Variants in OVOL1 observed in about 807,000 individuals in gnomAD.
The protein encoded by OVOL1 is putative transcription factor Ovo-like 1.
OVOL1 carries 10 observed loss-of-function variants against 21.5 expected under a neutral mutation model. The ratio of observed to expected loss-of-function variants is 0.46; its 90% CI spans 0.29 to 0.79. The LOEUF (loss-of-function observed/expected upper bound fraction) is 0.79, where lower values mean the gene tolerates loss of function less well. OVOL1 is among the 30% of genes least tolerant of loss of function. The probability of loss-of-function intolerance (pLI) is 0.10; values close to 1 mark genes in which losing one functional copy is unlikely to be tolerated. For synonymous variants in OVOL1, 129 were observed against 150.3 expected, an observed-to-expected ratio of 0.86 and a Z score of 1.03; for missense variants, 279 against 362.3, an observed-to-expected ratio of 0.77 and a Z score of 1.87.
Position 65,787,243 on chromosome 11 carries a change from C to G in OVOL1, c.-131C>G, listed in dbSNP as rs2135696822. 1.5e-6 allele frequency: 1 copy of G among 675,702 alleles called. No individual in the cohort carries two copies. The highest frequency in any genetic ancestry group is 3.7e-5 in the East Asian group (1 of 26,756). 41.9% of individuals were successfully genotyped at this position (675,702 alleles called of 1,614,324 possible). A position where few individuals can be genotyped will look rare whatever the true frequency, so the allele number is the denominator to read the frequency against. On this transcript the variant is annotated 5_prime_UTR_variant, in exon 1 of 4. Transcript: ENST00000335987. ...GTCCGGGCTCGGACCTTCCCCGGAA[C>G]GTGGGGGCGCCTTAGCGACTCCTTC...
chr11:65,791,962 C>T (rs1436466385), intron 1 of OVOL1, among the ~76,000 whole-genome samples: 1 of 152,262 alleles, frequency 6.6e-6, no homozygotes, highest in Non-Finnish European at 1.5e-5. Context: ...GGGACACGCT[C>T]ATGGGGGTGG....
Position 65,792,153 on chromosome 11 carries a change from G to A in OVOL1, c.101-1878G>A, listed in dbSNP as rs78539556. ...AGCACCAGCTCAGCCAGGTTTGTGT[G>A]GAACAGCAGAGGTGGGCAAAGGACA... On this transcript the variant is annotated intron_variant, in intron 1 of 3. Transcript: ENST00000335987. 1.4e-3 allele frequency among the ~76,000 whole-genome samples: 220 copies of A among 152,318 alleles called. 2 individuals carry two copies. Among genetic ancestry groups the A allele is most frequent in the African/African-American group, 5.0e-3 (206 of 41,584 alleles).
chr11:65,795,399 C>CA lies in OVOL1; in HGVS notation c.*59dup. ...CCCAAGAGCATCCAGGATTGCCTCC[C>CA]AGCTGCCTGGCCAGCCCACCCTCCT... is the stretch of plus-strand genomic sequence containing the variant. On this transcript the variant is annotated 3_prime_UTR_variant, in exon 4 of 4. Coordinates refer to ENST00000335987, the MANE Select transcript of OVOL1 (RefSeq NM_004561.4). This position sits in a 1 kb window ranked among gnomAD's most constrained non-coding sequence, Gnocchi z 5.7. 1 of 1,469,992 alleles carries CA rather than the reference C, an allele frequency of 6.8e-7. No individual in the cohort carries two copies. The highest frequency in any genetic ancestry group is 2.0e-5 in the Admixed American group (1 of 49,944). 91.1% of individuals were successfully genotyped at this position (1,469,992 alleles called of 1,614,324 possible).
rs1370765042 is a variant in OVOL1, at chr11:65,787,358, C to T, written c.-16C>T. ...AGTTACGGAAGCGGCCCGTGTCCAG[C>T]GACGAGGGTTCGAAAATGCCCCGCG... On this transcript the variant is annotated 5_prime_UTR_variant, in exon 1 of 4. Coordinates refer to ENST00000335987, the MANE Select transcript of OVOL1 (RefSeq NM_004561.4). 1 of 1,563,778 alleles carries T rather than the reference C, an allele frequency of 6.4e-7. No individual in the cohort carries two copies. The highest frequency in any genetic ancestry group is 1.4e-5 in the African/African-American group (1 of 73,274).
chr11:65,789,657 C>T (rs1470151450), intron 1 of OVOL1: 1 of 985,268 alleles, frequency 1.0e-6, no homozygotes, highest in Non-Finnish European at 1.2e-6. Flanking sequence ...ACCCCAGAGC[C>T]AGCTGGGCAC....
rs888402710 is a variant in OVOL1 at position 65,794,864 on chromosome 11, C to G, written c.508+137C>G. On this transcript the variant is annotated intron_variant, in intron 3 of 3. Coordinates refer to ENST00000335987, the MANE Select transcript of OVOL1 (RefSeq NM_004561.4). ...CATCCCGGAGCTCAGGGCCAAAGTC[C>G]TCCTGAGCTCATCAGTTAGGAGTTT... 1.6e-5 allele frequency: 16 copies of G among 1,016,014 alleles called. No homozygotes were observed. In the Middle Eastern group the frequency reaches 6.9e-4, roughly 44 times the overall value. The allele number at this position is 1,016,014 out of a possible 1,614,324, so 62.9% of individuals were successfully genotyped here.
chr11:65,787,413 A>C lies in OVOL1; in HGVS notation c.40A>C (p.Thr14Pro). 1 of 1,593,844 alleles carries C rather than the reference A, an allele frequency of 6.3e-7. No individual in the cohort carries two copies. Among genetic ancestry groups the C allele is most frequent in the Non-Finnish European group, 8.5e-7 (1 of 1,169,938 alleles). ...AFLVKKPCVS[T>P]CKRNWSELPD... is the part of the protein sequence containing the mutation. ...CCTGGTGAAGAAGCCGTGCGTCTCC[A>C]CGTGCAAGAGGAACTGGAGCGAGCT... The change falls in exon 1 of 4, where the codon ACG (threonine) becomes CCG (proline). Residue 14 changes from threonine (T) to proline (P), a missense_variant. Coordinates refer to ENST00000335987, the MANE Select transcript of OVOL1 (RefSeq NM_004561.4).
At position 65,793,777 on chromosome 11, in the gene OVOL1, G is replaced by A. The variant is rs141113324; in HGVS notation, c.101-254G>A. 206 of 562,176 alleles carry A rather than the reference G, an allele frequency of 3.7e-4. 1 individual carries two copies. In the East Asian group the frequency reaches 5.6e-3, roughly 15 times the overall value. 34.8% of individuals were successfully genotyped at this position (562,176 alleles called of 1,614,324 possible). A position where few individuals can be genotyped will look rare whatever the true frequency, so the allele number is the denominator to read the frequency against. On this transcript the variant is annotated intron_variant, in intron 1 of 3. Transcript: ENST00000335987. Reference sequence around the variant, plus strand: ...GGAGGGATAATTGGCAGGGCAGTTCGGTCCTCCCAGTTCCGCTAAGACACA... The same window carrying A: ...GGAGGGATAATTGGCAGGGCAGTTCAGTCCTCCCAGTTCCGCTAAGACACA...
intron 1 of OVOL1, chr11:65,789,722 C>T (rs1434943009): frequency 4.1e-6 from 4 of 984,700 alleles, no homozygotes; most frequent in Non-Finnish European, 4.8e-6. Flanking sequence ...AGCGTTGACC[C>T]CATTTCCAGT....
At chr11:65,790,035 TCCCCCACCCACC>T (rs1288220895) in intron 1 of OVOL1, 1 of 129,326 alleles carries the variant, frequency 7.7e-6, no homozygotes, top group Admixed American at 7.9e-5. Context: ...CTTGAACCGC[TCCCCCACCCACC>T]CCCCCAACCA....
In OVOL1 at chr11:65,787,398, A is replaced by C; in HGVS notation, c.25A>C (p.Lys9Gln). The C allele has an allele frequency of 6.3e-7, 1 of 1,593,838 alleles. No individual in the cohort carries two copies. Among genetic ancestry groups the C allele is most frequent in the Non-Finnish European group, 8.5e-7 (1 of 1,170,292 alleles). Residue 9 changes from lysine to glutamine, a missense_variant, in exon 1 of 4, where the codon AAG becomes CAG. Coordinates refer to ENST00000335987, the MANE Select transcript of OVOL1 (RefSeq NM_004561.4). MPRAFLVK[K>Q]PCVSTCKRNW... ...AATGCCCCGCGCGTTCCTGGTGAAG[A>C]AGCCGTGCGTCTCCACGTGCAAGAG...
chr11:65,795,481 C>T lies in OVOL1; in HGVS notation c.*140C>T. On this transcript the variant is annotated 3_prime_UTR_variant, in exon 4 of 4. Transcript: ENST00000335987. This position sits in a 1 kb window ranked among gnomAD's most constrained non-coding sequence, Gnocchi z 5.7. ...ACTGGAGCCCCCGTGCCTTGGTCTC[C>T]CCCCTGGGCACACGTGCTCACTCAG... The T allele has an allele frequency of 1.3e-6, 1 of 753,386 alleles. No individual in the cohort carries two copies. The highest frequency in any genetic ancestry group is 2.7e-5 in the East Asian group (1 of 37,076). 46.7% of individuals were successfully genotyped at this position (753,386 alleles called of 1,614,324 possible). A position where few individuals can be genotyped will look rare whatever the true frequency, so the allele number is the denominator to read the frequency against.
chr11:65,790,069 C>A (rs1393049207), intron 1 of OVOL1: 3 of 150,126 alleles, frequency 2.0e-5, no homozygotes, highest in Admixed American at 1.3e-4. Flanking sequence ...CCTCCCCTCG[C>A]CTTCCTTTGT....
At position 65,794,239 on chromosome 11, in the gene OVOL1, C is replaced by T; in HGVS notation, c.309C>T (p.Thr103=). The T allele has an allele frequency of 6.2e-7, 1 of 1,612,750 alleles. No homozygotes were observed. Among genetic ancestry groups the T allele is most frequent in the Non-Finnish European group, 8.5e-7 (1 of 1,179,680 alleles). The part of the protein sequence containing the change: ...PQSRDHGFLR[T]KMKVTLGDSP... ...GCAGAGACCATGGCTTCCTGCGCACCAAGATGAAGGTAATGCCACTCGCGC... is the reference window on the plus strand; with the variant it reads ...GCAGAGACCATGGCTTCCTGCGCACTAAGATGAAGGTAATGCCACTCGCGC... Residue 103 remains threonine, a synonymous_variant, in exon 2 of 4, where the codon ACC becomes ACT. Transcript: ENST00000335987.
At chr11:65,787,582 G>A in intron 1 of OVOL1, 109 bp downstream of exon 1, 2 of 422,630 alleles carry the variant, frequency 4.7e-6, no homozygotes, top group Non-Finnish European at 6.6e-6. Flanking sequence ...CGGTGTGGGC[G>A]CCGGGGCTGA....
chr11:65,793,858 G>A, intron 1 of OVOL1, 173 bp from the exon 2 acceptor site: 6 of 606,494 alleles, frequency 9.9e-6, no homozygotes, highest in Non-Finnish European at 1.2e-5. Flanking sequence ...ACCTTAATAG[G>A]GCGGGAAGGC....
chr11:65,788,301 C>T lies in OVOL1; in HGVS notation c.100+828C>T, dbSNP rs557652666. The stretch of plus-strand genomic sequence containing the variant: ...GCGTCGACTGTGAGAGTTGCTTCTT[C>T]CTCCAGCGGCATCTTCCCCTGAACG... On this transcript the variant is annotated intron_variant, in intron 1 of 3. Coordinates refer to ENST00000335987, the MANE Select transcript of OVOL1 (RefSeq NM_004561.4). The T allele has an allele frequency of 7.2e-5, 14 of 193,182 alleles. No individual in the cohort carries two copies. In the East Asian group the frequency reaches 2.4e-3, roughly 33 times the overall value. 12.0% of individuals were successfully genotyped at this position (193,182 alleles called of 1,614,324 possible). A position where few individuals can be genotyped will look rare whatever the true frequency, so the allele number is the denominator to read the frequency against.
chr11:65,794,348 C>A, intron 2 of OVOL1, 100 bp downstream of exon 2: 1 of 1,206,926 alleles, frequency 8.3e-7, no homozygotes, highest in Non-Finnish European at 1.2e-6. Flanking sequence ...CAGAGACTGA[C>A]CTGGGACCTG....
intron 1 of OVOL1, chr11:65,788,697 A>G (rs1036598691): frequency 1.0e-5 from 10 of 985,316 alleles, no homozygotes; most frequent in Admixed American, 6.1e-5. Flanking sequence ...TGGCGCTGGC[A>G]GGATGTTTCA....
Sources: gnomAD v4.1 joint callset for allele counts (sites outside exome capture counted in the v4.1 genomes callset) on GRCh38, gnomAD v4.1.1 for gene constraint, Gnocchi (gnomAD v3.1) non-coding constraint, MANE v1.5 for transcripts, NCBI Gene and HGNC (gene_info 2026-07-23, HGNC 2026-07-21) for gene names.